TLE3: variants seen among roughly 807,000 people sequenced by gnomAD.
TLE3 encodes TLE family member 3, transcriptional corepressor.
A neutral mutation model predicts 93.0 loss-of-function variants in TLE3; 14 were observed. The ratio of observed to expected loss-of-function variants is 0.15; its 90% confidence interval spans 0.10 to 0.24. The LOEUF (loss-of-function observed/expected upper bound fraction) is 0.24. Ranked by LOEUF, TLE3 falls within the 10% of genes least tolerant of loss-of-function variation. The pLI is 1.00. For synonymous variants in TLE3, 451 were observed against 425.0 expected, an observed-to-expected ratio of 1.06 and a Z score of -0.75; for missense variants, 693 against 1,046.6, an observed-to-expected ratio of 0.66 and a Z score of 4.66.
At chr15:70,055,927 G>A (rs77418032) in intron 14 of TLE3, 12,279 of 374,410 alleles carry the variant, frequency 0.033, 661 homozygotes, top group East Asian at 0.2. Context: ...GACAGGGAAG[G>A]GCCTGCGACC....
intron 3 of TLE3, 131 bp downstream of exon 3, chr15:70,095,447 A>G: frequency 6.5e-7 from 1 of 1,540,798 alleles, no homozygotes; most frequent in Non-Finnish European, 8.8e-7. Context: ...AGACCAGATT[A>G]TGCCCTCTCT....
At chr15:70,085,040 T>C (rs2057978519) in intron 4 of TLE3, among the ~76,000 whole-genome samples, 1 of 152,224 alleles carries the variant, frequency 6.6e-6, no homozygotes, top group Non-Finnish European at 1.5e-5. Flanking sequence ...TCAGTCGCAG[T>C]AGCCATATTT....
Position 70,053,221 on chromosome 15 carries a change from G to A in TLE3, c.1974+6C>T, listed in dbSNP as rs759187941. The A allele has an allele frequency of 1.9e-5, 31 of 1,606,020 alleles. No homozygotes were observed. Among genetic ancestry groups the A allele is most frequent in the East Asian group, 6.7e-5 (3 of 44,642 alleles). On this transcript the variant is annotated splice_donor_region_variant and intron_variant, in intron 17 of 19. Transcript: ENST00000451782. ...TTTGGGAAGGGAGGAGTCTTGGGCCGCACACCTGGGAAGTGAAGTCATGCT... is the reference window on the plus strand; with the variant it reads ...TTTGGGAAGGGAGGAGTCTTGGGCCACACACCTGGGAAGTGAAGTCATGCT...
chr15:70,056,184 G>T lies in TLE3; in HGVS notation c.1328+114C>A, dbSNP rs2270871. The T allele has an allele frequency of 2.3e-5, 27 of 1,153,448 alleles. No homozygotes were observed. The Admixed American group carries it at 2.6e-4, about 11-fold the overall frequency. 71.5% of individuals were successfully genotyped at this position (1,153,448 alleles called of 1,614,324 possible). Reference sequence around the variant, plus strand: ...AGGGACAGATACCTTTCCAAAGGGAGGTGCACCAGGGCAAACCCTTGGTCA... The same window carrying T: ...AGGGACAGATACCTTTCCAAAGGGATGTGCACCAGGGCAAACCCTTGGTCA... On this transcript the variant is annotated intron_variant, in intron 14 of 19. Coordinates refer to ENST00000451782, the MANE Select transcript of TLE3 (RefSeq NM_001105192.3).
At chr15:70,062,735 T>C (rs1202925438) in intron 8 of TLE3, among the ~76,000 whole-genome samples, 1 of 151,854 alleles carries the variant, frequency 6.6e-6, no homozygotes, top group Admixed American at 6.6e-5. Context: ...ACAACCTGGT[T>C]TCCAAAGCCT....
At position 70,091,502 on chromosome 15, in the gene TLE3, T is replaced by A. The variant is rs571577455; in HGVS notation, c.234+3030A>T. Among the ~76,000 whole-genome samples the A allele has an allele frequency of 3.9e-5, 6 of 152,352 alleles. No homozygotes were observed. The East Asian group carries it at 1.2e-3, about 29-fold the overall frequency. On this transcript the variant is annotated intron_variant, in intron 4 of 19. Coordinates refer to ENST00000451782, the MANE Select transcript of TLE3 (RefSeq NM_001105192.3). ...ACTCTCTGAACCACCCTTGACATTCTGCCTGGAAGCAGGGGGCTTGGTGGA... is the reference window on the plus strand; with the variant it reads ...ACTCTCTGAACCACCCTTGACATTCAGCCTGGAAGCAGGGGGCTTGGTGGA...
intron 13 of TLE3, among the ~76,000 whole-genome samples, chr15:70,057,218 C>T (rs530499818): frequency 2.1e-3 from 317 of 152,354 alleles, no homozygotes; most frequent in Admixed American, 6.4e-3. Flanking sequence ...AGGGAGGCTG[C>T]CTTGCATGAG....
In TLE3 at chr15:70,096,981, C is replaced by CA; in HGVS notation, c.-184dup. On this transcript the variant is annotated 5_prime_UTR_variant, in exon 1 of 20. Transcript: ENST00000451782. ...GTCGGGCGCCCGCCCCAAGTGGAGA[C>CA]AAAGAGCCGCGGAGCAGGCGGCAAA... 1.4e-6 allele frequency: 1 copy of CA among 724,866 alleles called. No individual in the cohort carries two copies. Among genetic ancestry groups the CA allele is most frequent in the South Asian group, 1.5e-5 (1 of 64,624 alleles). 44.9% of individuals were successfully genotyped at this position (724,866 alleles called of 1,614,324 possible).
rs953338912 is a variant in TLE3 at position 70,097,852 on chromosome 15, C to G, written c.-1054G>C. 5.8e-6 allele frequency: 2 copies of G among 343,242 alleles called. No homozygotes were observed. Among genetic ancestry groups the G allele is most frequent in the African/African-American group, 4.2e-5 (2 of 47,290 alleles). The allele number at this position is 343,242 out of a possible 1,614,324, so 21.3% of individuals were successfully genotyped here. On this transcript the variant is annotated 5_prime_UTR_variant, in exon 1 of 20. Transcript: ENST00000451782. ...GTGCCCCGGACCTACGGATACCACA[C>G]ACAGACAGGCGAAGGGGACGAGCAC... is the stretch of plus-strand genomic sequence containing the variant.
chr15:70,074,277 A>T (rs1037717405), intron 6 of TLE3, among the ~76,000 whole-genome samples: 1 of 152,208 alleles, frequency 6.6e-6, no homozygotes, highest in African/African-American at 2.4e-5. Flanking sequence ...CCAGTGGAAG[A>T]TGAGGCAGAT....
chr15:70,051,051 C>T (rs955640153), intron 19 of TLE3: 1 of 179,008 alleles, frequency 5.6e-6, no homozygotes, highest in African/African-American at 2.4e-5. Flanking sequence ...GCCCAGGTGC[C>T]CAGCGCACCT....
In TLE3 at chr15:70,050,142, T is replaced by A; in HGVS notation, c.2265A>T (p.Thr755=). Reference sequence around the variant, plus strand: ...CTGTGGCCTTCTTGTCACCAGAGCCTGTTACAATGTATTTGTCATCCGCTG... The same window carrying A: ...CTGTGGCCTTCTTGTCACCAGAGCCAGTTACAATGTATTTGTCATCCGCTG... The part of the protein sequence containing the change: ...DISADDKYIV[T]GSGDKKATVY... Residue 755 remains threonine (T), a synonymous_variant, in exon 20 of 20, where the codon ACA becomes ACT. Transcript: ENST00000451782. The A allele has an allele frequency of 6.2e-7, 1 of 1,614,146 alleles. No individual in the cohort carries two copies. The highest frequency in any genetic ancestry group is 8.5e-7 in the Non-Finnish European group (1 of 1,179,966).
At chr15:70,052,256 C>T in intron 18 of TLE3, 118 bp downstream of exon 18, 1 of 1,346,342 alleles carries the variant, frequency 7.4e-7, no homozygotes, top group Non-Finnish European at 1.0e-6. Context: ...GGTCAGGAGG[C>T]CTGGTTCCAG....
At chr15:70,095,347 G>A in intron 3 of TLE3, 2 of 1,427,344 alleles carry the variant, frequency 1.4e-6, no homozygotes, top group Non-Finnish European at 1.8e-6. Flanking sequence ...GAAGTCTCCG[G>A]CCTGGAATCG....
In TLE3 at chr15:70,096,421, G is replaced by C; in HGVS notation, c.25-160C>G. 4 of 1,304,234 alleles carry C rather than the reference G, an allele frequency of 3.1e-6. No homozygotes were observed. In the South Asian group the frequency reaches 5.9e-5, roughly 19 times the overall value. 80.8% of individuals were successfully genotyped at this position (1,304,234 alleles called of 1,614,324 possible). A position where few individuals can be genotyped will look rare whatever the true frequency, so the allele number is the denominator to read the frequency against. ...AGCTCTCCGACGGGGCGGAGGGGGG[G>C]CGCCCCATCTCTCCCCGTCGGCAGC... is the stretch of plus-strand genomic sequence containing the variant. On this transcript the variant is annotated intron_variant, in intron 1 of 19. Transcript: ENST00000451782.
chr15:70,049,970 G>A lies in TLE3; in HGVS notation c.*127C>T, dbSNP rs561444036. ...ACGTGCCCTCTCAGCCGGCCGGAGCGCAGCCCTGAACGCTCGGCTGCCTGC... is the reference window on the plus strand; with the variant it reads ...ACGTGCCCTCTCAGCCGGCCGGAGCACAGCCCTGAACGCTCGGCTGCCTGC... On this transcript the variant is annotated 3_prime_UTR_variant, in exon 20 of 20. Coordinates refer to ENST00000451782, the MANE Select transcript of TLE3 (RefSeq NM_001105192.3). 2.7e-4 allele frequency: 200 copies of A among 730,606 alleles called. No homozygotes were observed. In the East Asian group the frequency reaches 3.2e-3, roughly 12 times the overall value. 45.3% of individuals were successfully genotyped at this position (730,606 alleles called of 1,614,324 possible).
At position 70,085,616 on chromosome 15, in the gene TLE3, C is replaced by T. The variant is rs773356921; in HGVS notation, c.234+8916G>A. Reference sequence around the variant, plus strand: ...GCTAAGAGAAAGGGGTATCTAGACACTTCTCAAGTTCCTGCAGACCAGGCC... The same window carrying T: ...GCTAAGAGAAAGGGGTATCTAGACATTTCTCAAGTTCCTGCAGACCAGGCC... On this transcript the variant is annotated intron_variant, in intron 4 of 19. Transcript: ENST00000451782. 7.8e-4 allele frequency among the ~76,000 whole-genome samples: 119 copies of T among 152,262 alleles called. 1 individual carries two copies. The highest frequency in any genetic ancestry group is 2.6e-4 in the Non-Finnish European group (18 of 68,050).
chr15:70,082,761 C>A (rs996334113), intron 4 of TLE3, among the ~76,000 whole-genome samples: 1 of 152,204 alleles, frequency 6.6e-6, no homozygotes, highest in Non-Finnish European at 1.5e-5. Context: ...ACACTCTGGG[C>A]ACCAGCCCCT....
intron 14 of TLE3, chr15:70,055,860 A>T (rs2055970663): frequency 3.8e-6 from 1 of 261,968 alleles, no homozygotes; most frequent in Admixed American, 5.0e-5. Flanking sequence ...TTTCCTAGCA[A>T]CCCAAGGAAG....
Sources: allele counts gnomAD v4.1 joint callset (sites outside exome capture counted in the v4.1 genomes callset), GRCh38; gene constraint gnomAD v4.1.1; transcripts MANE v1.5; gene names NCBI Gene and HGNC (gene_info 2026-07-23, HGNC 2026-07-21).